The following CBLB variants were observed in gnomAD, a reference collection of about 807,000 sequenced individuals.
CBLB encodes the protein Cbl proto-oncogene B, also known as E3 ubiquitin-protein ligase CBL-B.
CBLB carries 31 observed loss-of-function variants against 104.9 expected under a neutral mutation model. The ratio of observed to expected loss-of-function variants is 0.30; its 90% CI spans 0.22 to 0.40. CBLB has a LOEUF of 0.40. CBLB is among the 10% of genes least tolerant of loss of function. The probability of loss-of-function intolerance (pLI) is 1.00; values close to 1 mark genes in which losing one functional copy is unlikely to be tolerated. For missense variants in CBLB, 1,062 were observed against 1,214.6 expected (o/e 0.87, Z 1.87); for synonymous variants, 440 against 422.6 (o/e 1.04, Z -0.51).
At chr3:105,826,626 C>A (rs1201259968) in intron 3 of CBLB, among the ~76,000 whole-genome samples, 9 of 152,150 alleles carry the variant, frequency 5.9e-5, no homozygotes, top group African/African-American at 1.9e-4. Context: ...CTCTCAAATA[C>A]TCTTCATAAT....
intron 3 of CBLB, among the ~76,000 whole-genome samples, chr3:105,777,851 A>G (rs2079663099): frequency 6.6e-6 from 1 of 152,214 alleles, no homozygotes; most frequent in Non-Finnish European, 1.5e-5. Context: ...AGTACTATCA[A>G]TCACCTATAA....
intron 4 of CBLB, among the ~76,000 whole-genome samples, chr3:105,770,773 T>C (rs1476160823): frequency 6.6e-6 from 1 of 152,132 alleles, no homozygotes; most frequent in Non-Finnish European, 1.5e-5. Context: ...GTCTATAGAC[T>C]ACCTGGATCT....
intron 3 of CBLB, among the ~76,000 whole-genome samples, chr3:105,834,377 C>A (rs1276373864): frequency 6.6e-6 from 1 of 152,136 alleles, no homozygotes; most frequent in Non-Finnish European, 1.5e-5. Context: ...AGAAATAGGG[C>A]TGGACACGGT....
At chr3:105,836,358 G>A (rs759463954) in intron 3 of CBLB, among the ~76,000 whole-genome samples, 4 of 152,148 alleles carry the variant, frequency 2.6e-5, no homozygotes, top group Admixed American at 1.3e-4. Flanking sequence ...ATGAAGTGTG[G>A]ATTTGGGAGT....
In CBLB at chr3:105,681,477, A is replaced by G. The variant is rs2066307923; in HGVS notation, c.2428+2T>C. 4.3e-6 allele frequency: 7 copies of G among 1,613,980 alleles called. No individual in the cohort carries two copies. The East Asian group carries it at 1.3e-4, about 31-fold the overall frequency. ...GTTCAAAACTTTTTTAAAGGTTTCAACCTAATGGAGGGATGAGAAGATCAT... is the reference window on the plus strand; with the variant it reads ...GTTCAAAACTTTTTTAAAGGTTTCAGCCTAATGGAGGGATGAGAAGATCAT... On this transcript the variant is annotated splice_donor_variant, in intron 16 of 18. Coordinates refer to ENST00000394030, the MANE Select transcript of CBLB (RefSeq NM_170662.5). LOFTEE classifies it high-confidence loss of function.
At chr3:105,727,238 C>T (rs926936384) in intron 9 of CBLB, among the ~76,000 whole-genome samples, 2 of 152,156 alleles carry the variant, frequency 1.3e-5, no homozygotes, top group Non-Finnish European at 2.9e-5. Flanking sequence ...TTTCAATGAT[C>T]GCCATTCTAA....
At chr3:105,789,185 A>G (rs1036189181) in intron 3 of CBLB, among the ~76,000 whole-genome samples, 1 of 152,196 alleles carries the variant, frequency 6.6e-6, no homozygotes, top group Admixed American at 6.5e-5. Context: ...AATAATGTTA[A>G]TTGTTATTAG....
intron 7 of CBLB, among the ~76,000 whole-genome samples, chr3:105,737,520 T>C (rs2075082883): frequency 6.6e-6 from 1 of 152,114 alleles, no homozygotes; most frequent in South Asian, 2.1e-4. Flanking sequence ...ACCTTTAATA[T>C]ATGTCTCTTA....
intron 3 of CBLB, among the ~76,000 whole-genome samples, chr3:105,844,339 C>A (rs574031785): frequency 5.3e-4 from 81 of 152,306 alleles, no homozygotes; most frequent in African/African-American, 1.7e-3. Context: ...CCCGAAGAAA[C>A]AAATACAGTC....
chr3:105,687,815 T>C (rs1483635315), intron 13 of CBLB, among the ~76,000 whole-genome samples: 1 of 146,404 alleles, frequency 6.8e-6, no homozygotes, highest in African/African-American at 2.5e-5. Flanking sequence ...TATCCAGTTC[T>C]GAAAAAAAAA....
intron 18 of CBLB, among the ~76,000 whole-genome samples, chr3:105,666,100 CTT>C (rs1228047288): frequency 2.0e-5 from 3 of 151,688 alleles, no homozygotes; most frequent in Non-Finnish European, 4.4e-5. Flanking sequence ...GCTTAACAAA[CTT>C]AACGAATTTT....
intron 4 of CBLB, among the ~76,000 whole-genome samples, chr3:105,753,067 G>A (rs904643197): frequency 6.6e-6 from 1 of 152,164 alleles, no homozygotes; most frequent in African/African-American, 2.4e-5. Flanking sequence ...GGTATGTAAG[G>A]ACAATGCTAG....
intron 3 of CBLB, among the ~76,000 whole-genome samples, chr3:105,777,729 T>C (rs1299279713): frequency 2.6e-5 from 4 of 152,194 alleles, no homozygotes; most frequent in Admixed American, 6.5e-5. Flanking sequence ...AAAATTGTAG[T>C]AATATGACTA....
intron 3 of CBLB, among the ~76,000 whole-genome samples, chr3:105,845,579 A>T (rs1047126663): frequency 6.6e-6 from 1 of 151,922 alleles, no homozygotes; most frequent in Non-Finnish European, 1.5e-5. Flanking sequence ...TTCACTTTTC[A>T]TTGAAAAATC....
intron 14 of CBLB, chr3:105,682,045 A>G: frequency 2.0e-6 from 1 of 507,014 alleles, no homozygotes; most frequent in Non-Finnish European, 3.5e-6. Flanking sequence ...ACTATAACCA[A>G]GAATTACAAG....
At chr3:105,810,730 G>C (rs1019205392) in intron 3 of CBLB, among the ~76,000 whole-genome samples, 1 of 152,014 alleles carries the variant, frequency 6.6e-6, no homozygotes, top group Non-Finnish European at 1.5e-5. Context: ...TTATTTGCAA[G>C]ACAGAAATTA....
chr3:105,661,878 G>A (rs1432927684), intron 18 of CBLB, among the ~76,000 whole-genome samples: 1 of 152,110 alleles, frequency 6.6e-6, no homozygotes, highest in Non-Finnish European at 1.5e-5. Context: ...ATGGACTGAG[G>A]AGACCATTAA....
intron 3 of CBLB, among the ~76,000 whole-genome samples, chr3:105,780,668 T>TTTTTG (rs2080130647): frequency 2.0e-5 from 2 of 99,666 alleles, no homozygotes; most frequent in Admixed American, 1.3e-4. Flanking sequence ...TTGTTTTTTT[T>TTTTTG]TTTTTTTTTT....
intron 4 of CBLB, among the ~76,000 whole-genome samples, chr3:105,772,002 T>G (rs2078927307): frequency 6.6e-6 from 1 of 152,068 alleles, no homozygotes; most frequent in Admixed American, 6.6e-5. Context: ...ATCAACATTC[T>G]TCACAGAACT....
Sources: allele counts gnomAD v4.1 joint callset (sites outside exome capture counted in the v4.1 genomes callset), GRCh38; gene constraint gnomAD v4.1.1; transcripts MANE v1.5; gene names NCBI Gene and HGNC (gene_info 2026-07-23, HGNC 2026-07-21).